The following MED1 variants were observed in gnomAD, a reference collection of about 807,000 sequenced individuals.
The protein encoded by MED1 is mediator of RNA polymerase II transcription subunit 1.
In MED1, 17 loss-of-function variants were observed where a neutral mutation model predicts 121.3. The ratio of observed to expected loss-of-function variants is 0.14; its 90% CI spans 0.10 to 0.21. MED1 has a LOEUF of 0.21. Among genes scored for constraint, MED1 ranks in the 10% least tolerant of loss-of-function variants. MED1 has a pLI of 1.00. For missense variants in MED1, 1,558 were observed against 1,919.4 expected (o/e 0.81, Z 3.52); for synonymous variants, 661 against 694.4 (o/e 0.95, Z 0.76).
rs55829399 is a variant in MED1, at chr17:39,414,634, CTTTTTTTTTTTTTTTTTTTTTTTT to C, written c.1499+368_1499+391del. On this transcript the variant is annotated intron_variant, in intron 16 of 16. Transcript: ENST00000300651. ...ACAGGCGTGAGCCACCAGGCCCGGC[CTTTTTTTTTTTTTTTTTTTTTTTT>C]TTTTTTTTTTTTTTTTACAACAAAA... Among the ~76,000 whole-genome samples, 73 of 61,556 alleles carry C rather than the reference CTTTTTTTTTTTTTTTTTTTTTTTT, an allele frequency of 1.2e-3. 4 individuals are homozygous for C. The highest frequency in any genetic ancestry group is 0.012 in the Middle Eastern group (1 of 84). The allele number at this position is 61,556 out of a possible 152,430, so 40.4% of individuals were successfully genotyped here.
chr17:39,447,961 T>C (rs2048744215), intron 1 of MED1, 57 bp from the exon 2 acceptor site: 2 of 1,161,976 alleles, frequency 1.7e-6, no homozygotes, highest in Non-Finnish European at 2.5e-6. Flanking sequence ...CCATCCACAG[T>C]TTTCCTTGCA....
chr17:39,412,657 C>G (rs1316197017), intron 16 of MED1, among the ~76,000 whole-genome samples: 1 of 151,616 alleles, frequency 6.6e-6, no homozygotes, highest in African/African-American at 2.4e-5. Flanking sequence ...TCTGCCTCAG[C>G]CTCCCAAGTA....
Position 39,409,036 on chromosome 17 carries a change from T to C in MED1, c.3185A>G (p.Lys1062Arg), listed in dbSNP as rs1391837986. 3.1e-6 allele frequency: 5 copies of C among 1,614,144 alleles called. No homozygotes were observed. The highest frequency in any genetic ancestry group is 4.2e-6 in the Non-Finnish European group (5 of 1,180,026). The change falls in exon 17 of 17, where the codon AAA becomes AGA. Residue 1062 changes from lysine to arginine, a missense_variant. By Grantham distance (26) the Lys-to-Arg change is conservative (BLOSUM62 2). Around this residue, in one of 5 missense-constraint regions of MED1, gnomAD observed 793 missense variants for 898.2 expected, o/e 0.88. Transcript: ENST00000300651. Reference sequence around the variant, plus strand: ...TCCCTTAGGAATCTGAATAGTGATTTTGGGAATGGGTGGTGTGGCAACACC... The same window carrying C: ...TCCCTTAGGAATCTGAATAGTGATTCTGGGAATGGGTGGTGTGGCAACACC... ...PPGVATPPIP[K>R]ITIQIPKGTV...
chr17:39,450,995 C>T lies in MED1; in HGVS notation c.25+43G>A, dbSNP rs568137743. 2.2e-5 allele frequency: 35 copies of T among 1,587,674 alleles called. No homozygotes were observed. The South Asian group carries it at 3.8e-4, about 17-fold the overall frequency. On this transcript the variant is annotated intron_variant, in intron 1 of 16. Transcript: ENST00000300651. Reference sequence around the variant, plus strand: ...GAACCTCCTCTCACAAACTGGCTCCCCCAGTTGTGTCCCGCCCCCTCCTTT... The same window carrying T: ...GAACCTCCTCTCACAAACTGGCTCCTCCAGTTGTGTCCCGCCCCCTCCTTT...
intron 2 of MED1, among the ~76,000 whole-genome samples, chr17:39,445,005 T>C (rs535193697): frequency 6.6e-6 from 1 of 152,316 alleles, no homozygotes; most frequent in East Asian, 1.9e-4. Flanking sequence ...AGGATAGTTT[T>C]CCAGGCTTTT....
At chr17:39,448,957 A>G (rs190748176) in intron 1 of MED1, among the ~76,000 whole-genome samples, 54 of 152,274 alleles carry the variant, frequency 3.5e-4, no homozygotes, top group African/African-American at 1.2e-3. Flanking sequence ...AGCAATGAAC[A>G]AACTAGACAA....
intron 13 of MED1, among the ~76,000 whole-genome samples, chr17:39,421,817 G>T (rs1454473096): frequency 6.6e-6 from 1 of 150,906 alleles, no homozygotes; most frequent in African/African-American, 2.4e-5. Flanking sequence ...TATTCTAAAA[G>T]TTCAAAATAC....
chr17:39,433,111 G>A (rs10445305), intron 7 of MED1, among the ~76,000 whole-genome samples: 95,540 of 151,754 alleles, frequency 0.63, 32,755 homozygotes, highest in South Asian at 0.89. Context: ...GCTGAGGCAG[G>A]AGAATCGCTT....
At chr17:39,422,863 CTTT>C (rs372712559) in intron 13 of MED1, among the ~76,000 whole-genome samples, 2 of 98,918 alleles carry the variant, frequency 2.0e-5, no homozygotes, top group African/African-American at 3.7e-5. Flanking sequence ...TCCGAGATTT[CTTT>C]TTTTTTTTTT....
intron 1 of MED1, 106 bp from the exon 2 acceptor site, chr17:39,448,010 T>G (rs2048744621): frequency 1.4e-6 from 1 of 715,662 alleles, no homozygotes; most frequent in African/African-American, 1.8e-5. Flanking sequence ...AGAATTCAGT[T>G]AAAATATTTT....
In MED1 at chr17:39,405,368, G is replaced by A. The variant is rs916654768; in HGVS notation, c.*2107C>T. 4.5e-6 allele frequency: 7 copies of A among 1,566,448 alleles called. No homozygotes were observed. Among genetic ancestry groups the A allele is most frequent in the Middle Eastern group, 1.7e-4 (1 of 6,022 alleles). The stretch of plus-strand genomic sequence containing the variant: ...AGTTTACTCATTTTGGTATTTGTTG[G>A]CCCTGCATGGGGGAGCTGAGCCCAT... On this transcript the variant is annotated 3_prime_UTR_variant, in exon 17 of 17. Coordinates refer to ENST00000300651, the MANE Select transcript of MED1 (RefSeq NM_004774.4).
intron 10 of MED1, among the ~76,000 whole-genome samples, chr17:39,425,955 T>C (rs906747644): frequency 2.6e-5 from 4 of 152,134 alleles, no homozygotes; most frequent in Non-Finnish European, 5.9e-5. Context: ...TTCTTCAGAA[T>C]GCATTTAAGT....
rs533836523 is a variant in MED1 at position 39,446,025 on chromosome 17, T to C, written c.132+1773A>G. Among the ~76,000 whole-genome samples, 4 of 143,262 alleles carry C rather than the reference T, an allele frequency of 2.8e-5. No homozygotes were observed. The South Asian group carries it at 6.6e-4, about 24-fold the overall frequency. The allele number at this position is 143,262 out of a possible 152,430, so 94.0% of individuals were successfully genotyped here. Reference sequence around the variant, plus strand: ...GCCTAGGTGACAGACAGAGATTCCATCTTTAAAAAAAAAAAAAAAAAATGA... The same window carrying C: ...GCCTAGGTGACAGACAGAGATTCCACCTTTAAAAAAAAAAAAAAAAAATGA... On this transcript the variant is annotated intron_variant, in intron 2 of 16. Coordinates refer to ENST00000300651, the MANE Select transcript of MED1 (RefSeq NM_004774.4).
chr17:39,426,534 T>C (rs2048516814), intron 10 of MED1, among the ~76,000 whole-genome samples: 1 of 152,118 alleles, frequency 6.6e-6, no homozygotes, highest in African/African-American at 2.4e-5. Context: ...GAGGTATTAG[T>C]CCATTTCACT....
chr17:39,449,975 C>T (rs939436199), intron 1 of MED1, among the ~76,000 whole-genome samples: 1 of 150,672 alleles, frequency 6.6e-6, no homozygotes, highest in Non-Finnish European at 1.5e-5. Flanking sequence ...CCACCACGCC[C>T]GGCTAATTTT....
In MED1 at chr17:39,410,205, AGAG is replaced by A. The variant is rs776780021; in HGVS notation, c.2013_2015del (p.Ser673del). 37 of 1,613,886 alleles carry A rather than the reference AGAG, an allele frequency of 2.3e-5. No individual in the cohort carries two copies. The Admixed American group carries it at 6.0e-4, about 26-fold the overall frequency. On this transcript the variant is annotated inframe_deletion, in exon 17 of 17. Transcript: ENST00000300651. ...ATATTTCCATGCGGGGTGAGCCGGA[AGAG>A]GAGTTCTGCCTTTCTAAAGGGCTGC...
At position 39,408,811 on chromosome 17, in the gene MED1, G is replaced by A; in HGVS notation, c.3410C>T (p.Ser1137Phe). 6.2e-7 allele frequency: 1 copy of A among 1,614,046 alleles called. No homozygotes were observed. The stretch of plus-strand genomic sequence containing the variant: ...ATTTTTGGACTGGCTAGATCCAGAA[G>A]ACCCCTGGCTAGAATACATACTGCT... ...LSSSMYSSQG[S>F]SGSSQSKNSS... Residue 1137 changes from serine (S) to phenylalanine (F), a missense_variant, in exon 17 of 17, where the codon TCT becomes TTT. Physicochemically the swap from Ser to Phe is radical, Grantham distance 155. This residue lies in a region of MED1 where 793 missense variants were observed against 898.2 expected (regional missense o/e 0.88). Coordinates refer to ENST00000300651, the MANE Select transcript of MED1 (RefSeq NM_004774.4). The surrounding 1 kb of genome is among the most constrained non-coding windows in gnomAD (Gnocchi z 4.7).
intron 7 of MED1, among the ~76,000 whole-genome samples, chr17:39,433,076 G>A (rs952410703): frequency 7.2e-5 from 11 of 151,992 alleles, no homozygotes; most frequent in African/African-American, 1.7e-4. Context: ...AGTGGTGGGC[G>A]CCTTTAATCC....
chr17:39,430,042 G>C (rs946809195), intron 9 of MED1, among the ~76,000 whole-genome samples: 1 of 150,642 alleles, frequency 6.6e-6, no homozygotes, highest in African/African-American at 2.4e-5. Flanking sequence ...ATGATTGCAC[G>C]ACTGCACTCC....
Sources: gnomAD v4.1 joint callset for allele counts (sites outside exome capture counted in the v4.1 genomes callset) on GRCh38, gnomAD v4.1.1 for gene constraint, gnomAD v4.1.1 regional missense constraint, Gnocchi (gnomAD v3.1) non-coding constraint, MANE v1.5 for transcripts, NCBI Gene and HGNC (gene_info 2026-07-23, HGNC 2026-07-21) for gene names.